Variants in C7orf33 observed in about 807,000 individuals in gnomAD.
C7orf33 encodes the protein uncharacterized protein C7orf33.
C7orf33 carries 15 observed loss-of-function variants against 13.4 expected under a neutral mutation model. The ratio of observed to expected loss-of-function variants is 1.12; its 90% CI spans 0.75 to 1.72. The LOEUF (loss-of-function observed/expected upper bound fraction) is 1.72. C7orf33 is among the 40% of genes most tolerant of loss of function. The pLI is 0.00. For synonymous variants in C7orf33, 73 were observed against 83.2 expected, an observed-to-expected ratio of 0.88 and a Z score of 0.67; for missense variants, 187 against 220.3, an observed-to-expected ratio of 0.85 and a Z score of 0.96.
At chr7:148,601,783 T>C (rs956429357) in intron 1 of C7orf33, among the ~76,000 whole-genome samples, 1 of 152,184 alleles carries the variant, frequency 6.6e-6, no homozygotes, top group African/African-American at 2.4e-5. Context: ...GGTCTTGCTC[T>C]GTTGCTCAGG....
intron 1 of C7orf33, among the ~76,000 whole-genome samples, chr7:148,607,550 T>C (rs76977783): frequency 0.033 from 4,997 of 152,292 alleles, 111 homozygotes; most frequent in African/African-American, 0.052. Flanking sequence ...GTCAGTTTTA[T>C]GCCACTACAG....
intron 1 of C7orf33, among the ~76,000 whole-genome samples, chr7:148,607,811 G>T (rs952405815): frequency 6.6e-6 from 1 of 152,080 alleles, no homozygotes; most frequent in African/African-American, 2.4e-5. Context: ...GTACCCAGGC[G>T]AGCCTGACAC....
intron 1 of C7orf33, among the ~76,000 whole-genome samples, chr7:148,612,298 C>T (rs1008961338): frequency 4.6e-5 from 7 of 152,034 alleles, no homozygotes; most frequent in Admixed American, 1.3e-4. Context: ...ATGAACTTCC[C>T]ATCAGATCTA....
intron 1 of C7orf33, among the ~76,000 whole-genome samples, chr7:148,600,664 T>G (rs1458669413): frequency 6.6e-6 from 1 of 152,180 alleles, no homozygotes; most frequent in Non-Finnish European, 1.5e-5. Flanking sequence ...TTTCAATTCT[T>G]TATTTTGCCT....
In C7orf33 at chr7:148,614,148, C is replaced by A; in HGVS notation, c.311C>A (p.Thr104Lys). ...APWHFLSQGP[T>K]DAQRAVRIRP... ...TGGCATTTTCTTTCTCAAGGTCCCA[C>A]GGATGCCCAGAGAGCAGTCAGAATC... Residue 104 changes from threonine (T) to lysine (K), a missense_variant, in exon 2 of 3, where the codon ACG becomes AAG. Transcript: ENST00000307003. 1 of 1,614,126 alleles carries A rather than the reference C, an allele frequency of 6.2e-7. No individual in the cohort carries two copies. The highest frequency in any genetic ancestry group is 1.1e-5 in the South Asian group (1 of 91,082).
At chr7:148,613,607 T>C (rs1006909858) in intron 1 of C7orf33, among the ~76,000 whole-genome samples, 3 of 152,218 alleles carry the variant, frequency 2.0e-5, no homozygotes, top group African/African-American at 4.8e-5. Context: ...AATGTCCAGA[T>C]TGGCAAATCC....
chr7:148,599,488 T>G (rs1796389180), intron 1 of C7orf33, among the ~76,000 whole-genome samples: 2 of 150,408 alleles, frequency 1.3e-5, no homozygotes, highest in African/African-American at 4.9e-5. Flanking sequence ...TTTTTTTTTT[T>G]TTTGAGACGG....
chr7:148,593,913 G>A (rs1404513521), intron 1 of C7orf33, among the ~76,000 whole-genome samples: 2 of 152,190 alleles, frequency 1.3e-5, no homozygotes, highest in African/African-American at 4.8e-5. Flanking sequence ...GGATCATGGG[G>A]GTGGATTTGT....
intron 1 of C7orf33, among the ~76,000 whole-genome samples, chr7:148,598,329 C>T (rs1796366440): frequency 6.6e-6 from 1 of 151,988 alleles, no homozygotes. Context: ...TTAGGTTCCT[C>T]CCAGATTGTT....
chr7:148,609,709 C>T (rs1307864591), intron 1 of C7orf33, among the ~76,000 whole-genome samples: 1 of 152,212 alleles, frequency 6.6e-6, no homozygotes, highest in Non-Finnish European at 1.5e-5. Context: ...CATTTCTAAA[C>T]CAATTCTTGA....
intron 1 of C7orf33, among the ~76,000 whole-genome samples, chr7:148,598,926 G>A (rs1320487652): frequency 1.3e-5 from 2 of 151,450 alleles, no homozygotes; most frequent in East Asian, 1.9e-4. Context: ...GCAATGGCAC[G>A]ATCTTGGCTC....
chr7:148,591,254 G>A (rs534283248), intron 1 of C7orf33, 125 bp downstream of exon 1: 14 of 804,164 alleles, frequency 1.7e-5, no homozygotes, highest in South Asian at 1.4e-4. Context: ...TGGGCTTAAC[G>A]ACATTGAAGT....
rs1296463346 is a variant in C7orf33, at chr7:148,595,381, A to G, written c.204+4252A>G. On this transcript the variant is annotated intron_variant, in intron 1 of 2. Coordinates refer to ENST00000307003, the MANE Select transcript of C7orf33 (RefSeq NM_145304.4). ...TATATCAAATATAATATAGATCTCT[A>G]TTATATAGATATATCATAGATAATA... Among the ~76,000 whole-genome samples, 23 of 136,666 alleles carry G rather than the reference A, an allele frequency of 1.7e-4. 1 individual carries two copies. The highest frequency in any genetic ancestry group is 1.6e-4 in the Admixed American group (2 of 12,886). 89.7% of individuals were successfully genotyped at this position (136,666 alleles called of 152,430 possible).
chr7:148,603,812 C>T (rs547995277), intron 1 of C7orf33, among the ~76,000 whole-genome samples: 1 of 152,348 alleles, frequency 6.6e-6, no homozygotes, highest in South Asian at 2.1e-4. Flanking sequence ...ATCCCTCACT[C>T]ACTCCATAGA....
At chr7:148,610,297 G>A (rs1796523097) in intron 1 of C7orf33, among the ~76,000 whole-genome samples, 2 of 152,138 alleles carry the variant, frequency 1.3e-5, no homozygotes, top group Admixed American at 1.3e-4. Flanking sequence ...GCTGGGAAAG[G>A]CAGACCACCC....
intron 1 of C7orf33, among the ~76,000 whole-genome samples, chr7:148,612,768 G>T (rs1177128820): frequency 6.6e-6 from 1 of 151,736 alleles, no homozygotes; most frequent in Admixed American, 6.6e-5. Flanking sequence ...TGGAGAAATT[G>T]ACACCCTCAT....
intron 1 of C7orf33, among the ~76,000 whole-genome samples, chr7:148,612,962 AC>A (rs1333774135): frequency 6.6e-6 from 1 of 152,114 alleles, no homozygotes; most frequent in East Asian, 1.9e-4. Flanking sequence ...GTATATCATC[AC>A]CTAAAATATT....
intron 1 of C7orf33, among the ~76,000 whole-genome samples, chr7:148,599,888 A>G (rs1036675560): frequency 1.3e-5 from 2 of 152,176 alleles, no homozygotes; most frequent in Non-Finnish European, 2.9e-5. Context: ...CTGCACCTCA[A>G]GGACCTCCTG....
At chr7:148,598,911 G>A in intron 1 of C7orf33, among the ~76,000 whole-genome samples, 1 of 150,810 alleles carries the variant, frequency 6.6e-6, no homozygotes, top group East Asian at 1.9e-4. Context: ...TGCCCAAGCT[G>A]GAGTGCAATG....
Sources: allele counts gnomAD v4.1 joint callset (sites outside exome capture counted in the v4.1 genomes callset), GRCh38; gene constraint gnomAD v4.1.1; transcripts MANE v1.5; gene names NCBI Gene and HGNC (gene_info 2026-07-23, HGNC 2026-07-21).